The following ZNF780B variants were observed in gnomAD, a reference collection of about 807,000 sequenced individuals.
ZNF780B encodes the protein zinc finger protein 779.
In ZNF780B, 52 loss-of-function variants were observed where a neutral mutation model predicts 74.1. The observed-to-expected ratio is 0.70, with a 90% CI of 0.56 to 0.88. The LOEUF is 0.88. Among genes scored for constraint, ZNF780B ranks in the 40% least tolerant of loss-of-function variants. The pLI is 0.00. For missense variants in ZNF780B, 953 were observed against 1,007.6 expected, an observed-to-expected ratio of 0.95 and a Z score of 0.73; for synonymous variants, 315 against 324.3, an observed-to-expected ratio of 0.97 and a Z score of 0.31.
At chr19:40,036,915 T>C (rs1025237105) in intron 4 of ZNF780B, among the ~76,000 whole-genome samples, 1 of 151,940 alleles carries the variant, frequency 6.6e-6, no homozygotes, top group Admixed American at 6.6e-5. Flanking sequence ...GAAAGCTTTT[T>C]TTTTTTTTTT....
At position 40,034,731 on chromosome 19, in the gene ZNF780B, AATG is replaced by A. The variant is rs757284456; in HGVS notation, c.2125_2127del (p.His709del). 1.2e-6 allele frequency: 2 copies of A among 1,613,884 alleles called. No homozygotes were observed. Among genetic ancestry groups the A allele is most frequent in the South Asian group, 1.1e-5 (1 of 91,060 alleles). On this transcript the variant is annotated inframe_deletion, in exon 5 of 5. Transcript: ENST00000434248. Reference sequence around the variant, plus strand: ...ATTCGGTAATGTTCAGTAAGCTGGTAATGATATCTAAAGGTCTTCCTACACTCC... The same window carrying A: ...ATTCGGTAATGTTCAGTAAGCTGGTAATATCTAAAGGTCTTCCTACACTCC...
intron 4 of ZNF780B, among the ~76,000 whole-genome samples, chr19:40,038,257 T>G (rs1461523018): frequency 2.0e-5 from 3 of 149,794 alleles, no homozygotes; most frequent in African/African-American, 7.4e-5. Context: ...TCATTTTTTA[T>G]GGCTGCATAG....
At position 40,033,300 on chromosome 19, in the gene ZNF780B, T is replaced by G. The variant is rs1168972635; in HGVS notation, c.*1057A>C. 6.5e-6 allele frequency: 1 copy of G among 155,022 alleles called. No individual in the cohort carries two copies. The highest frequency in any genetic ancestry group is 1.5e-5 in the Non-Finnish European group (1 of 68,270). The allele number at this position is 155,022 out of a possible 1,614,324, so 9.6% of individuals were successfully genotyped here. A position where few individuals can be genotyped will look rare whatever the true frequency, so the allele number is the denominator to read the frequency against. On this transcript the variant is annotated 3_prime_UTR_variant, in exon 5 of 5. Transcript: ENST00000434248. ...ATAGACTTATTCACTGCAAGGTTGCTGCAAACCTTCAGTGTGTATAAAATG... is the reference window on the plus strand; with the variant it reads ...ATAGACTTATTCACTGCAAGGTTGCGGCAAACCTTCAGTGTGTATAAAATG...
At chr19:40,050,262 AAC>A in intron 2 of ZNF780B, 60 bp downstream of exon 2, 1 of 1,544,486 alleles carries the variant, frequency 6.5e-7, no homozygotes, top group Non-Finnish European at 8.8e-7. Context: ...GTTTAATAAT[AAC>A]AGTCACCTAA....
rs143598277 is a variant in ZNF780B, at chr19:40,045,255, C to T, written c.232+2120G>A. On this transcript the variant is annotated intron_variant, in intron 4 of 4. Transcript: ENST00000434248. ...ACTACAGTATAATAATCACTGGGGA[C>T]GTCACTGTGCCACTCTCAGAATTAG... Among the ~76,000 whole-genome samples the T allele has an allele frequency of 1.8e-4, 27 of 152,152 alleles. No homozygotes were observed. In the East Asian group the frequency reaches 3.1e-3, roughly 17 times the overall value.
In ZNF780B at chr19:40,036,564, A is replaced by C; in HGVS notation, c.295T>G (p.Leu99Val). The part of the protein sequence containing the change: ...SPENDIFEIN[L>V]PKHVIKQISK... ...ATTTGCTTTATAACATGTTTGGGTA[A>C]ATTTATTTCAAAAATATCATTTTCT... is the stretch of plus-strand genomic sequence containing the variant. Residue 99 changes from leucine to valine, a missense_variant, in exon 5 of 5, where the codon TTA (leucine) becomes GTA (valine). Leu to Val is a conservative substitution (Grantham distance 32). Coordinates refer to ENST00000434248, the MANE Select transcript of ZNF780B (RefSeq NM_001005851.3). The C allele has an allele frequency of 6.4e-7, 1 of 1,570,370 alleles. No homozygotes were observed. The highest frequency in any genetic ancestry group is 8.6e-7 in the Non-Finnish European group (1 of 1,163,324).
chr19:40,054,402 C>T (rs1002101126), intron 1 of ZNF780B, among the ~76,000 whole-genome samples: 3 of 152,088 alleles, frequency 2.0e-5, no homozygotes, highest in African/African-American at 7.2e-5. Context: ...GTTCTCACCA[C>T]AAAAATGATA....
intron 1 of ZNF780B, chr19:40,055,396 A>C (rs1973447864): frequency 6.6e-6 from 1 of 152,170 alleles, no homozygotes; most frequent in South Asian, 2.1e-4. Flanking sequence ...TTCTTGAACA[A>C]ATACAAAGCA....
intron 1 of ZNF780B, among the ~76,000 whole-genome samples, chr19:40,054,526 T>A (rs569609827): frequency 1.8e-4 from 27 of 152,280 alleles, no homozygotes; most frequent in African/African-American, 6.0e-4. Context: ...TCTGTCAATT[T>A]AAAAAGAACT....
Position 40,036,165 on chromosome 19 carries a change from G to T in ZNF780B, c.694C>A (p.Leu232Ile), listed in dbSNP as rs766203771. ...TTATGGCGATTAAGCTGGGTGGGAAGATTAAAGGCTTTTCCACATTCCTTA... is the reference window on the plus strand; with the variant it reads ...TTATGGCGATTAAGCTGGGTGGGAATATTAAAGGCTTTTCCACATTCCTTA... ...ECKECGKAFN[L>I]PTQLNRHKNI... The change falls in exon 5 of 5, where the codon CTT becomes ATT. Residue 232 changes from leucine (L) to isoleucine (I), a missense_variant. Coordinates refer to ENST00000434248, the MANE Select transcript of ZNF780B (RefSeq NM_001005851.3). The T allele has an allele frequency of 6.2e-7, 1 of 1,613,982 alleles. No homozygotes were observed. The highest frequency in any genetic ancestry group is 1.3e-5 in the African/African-American group (1 of 75,054).
At chr19:40,047,804 T>A (rs1973004483) in intron 3 of ZNF780B, among the ~76,000 whole-genome samples, 1 of 152,150 alleles carries the variant, frequency 6.6e-6, no homozygotes, top group African/African-American at 2.4e-5. Flanking sequence ...TGTCCTTCAG[T>A]TTTCCCAACT....
At position 40,035,154 on chromosome 19, in the gene ZNF780B, C is replaced by A. The variant is rs1053025834; in HGVS notation, c.1705G>T (p.Gly569Cys). The change falls in exon 5 of 5, where the codon GGT (glycine) becomes TGT (cysteine). Residue 569 changes from glycine (G) to cysteine (C), a missense_variant. Coordinates refer to ENST00000434248, the MANE Select transcript of ZNF780B (RefSeq NM_001005851.3). The part of the protein sequence containing the change: ...CKECGKFFRR[G>C]SNLNQHRSIH... ...CTTCGATGTTGATTAAGATTTGAAC[C>A]ACGACGAAAGAATTTCCCACATTCC... 2 of 1,613,142 alleles carry A rather than the reference C, an allele frequency of 1.2e-6. No individual in the cohort carries two copies. Among genetic ancestry groups the A allele is most frequent in the Admixed American group, 3.3e-5 (2 of 59,946 alleles).
intron 4 of ZNF780B, among the ~76,000 whole-genome samples, chr19:40,041,155 C>T (rs572554056): frequency 2.0e-5 from 3 of 152,250 alleles, no homozygotes; most frequent in East Asian, 1.9e-4. Context: ...GCCTTCATTT[C>T]GTTATGTACC....
intron 4 of ZNF780B, 129 bp from the exon 5 acceptor site, chr19:40,036,755 G>T (rs1972345872): frequency 1.7e-6 from 1 of 601,742 alleles, no homozygotes; most frequent in Non-Finnish European, 2.8e-6. Context: ...AAGGAAAAGG[G>T]TGCCAATAAT....
rs908132154 is a variant in ZNF780B at position 40,050,613 on chromosome 19, C to T, written c.-45-236G>A. ...CGCCTACATCCCAGGGAACCTGCGG[C>T]GGAAGCATGAATGCCGAGCACAGGC... On this transcript the variant is annotated intron_variant, in intron 1 of 4. Coordinates refer to ENST00000434248, the MANE Select transcript of ZNF780B (RefSeq NM_001005851.3). Among the ~76,000 whole-genome samples the T allele has an allele frequency of 6.6e-5, 10 of 152,252 alleles. 1 individual carries two copies. Among genetic ancestry groups the T allele is most frequent in the South Asian group, 2.1e-4 (1 of 4,830 alleles).
chr19:40,050,527 A>G, intron 1 of ZNF780B, 150 bp from the exon 2 acceptor site: 3 of 837,918 alleles, frequency 3.6e-6, no homozygotes, highest in African/African-American at 1.7e-5. Context: ...CTTTTTCCCT[A>G]CACACACTCT....
chr19:40,039,096 T>C (rs1409781186), intron 4 of ZNF780B, among the ~76,000 whole-genome samples: 1 of 151,890 alleles, frequency 6.6e-6, no homozygotes, highest in East Asian at 1.9e-4. Context: ...GTATAAGGTG[T>C]AAGGAAGGGA....
intron 4 of ZNF780B, among the ~76,000 whole-genome samples, chr19:40,038,267 G>T (rs1972450609): frequency 6.6e-6 from 1 of 151,502 alleles, no homozygotes; most frequent in Non-Finnish European, 1.5e-5. Flanking sequence ...TGGCTGCATA[G>T]TATTCCATGG....
At chr19:40,047,536 C>T in intron 3 of ZNF780B, 66 bp from the exon 4 acceptor site, 1 of 1,043,666 alleles carries the variant, frequency 9.6e-7, no homozygotes, top group Non-Finnish European at 1.4e-6. Flanking sequence ...ACCCTGAGAC[C>T]TAGTTAAACT....
Sources: allele counts gnomAD v4.1 joint callset (sites outside exome capture counted in the v4.1 genomes callset), GRCh38; gene constraint gnomAD v4.1.1; transcripts MANE v1.5; gene names NCBI Gene and HGNC (gene_info 2026-07-23, HGNC 2026-07-21).